The following TMTC1 variants were observed in gnomAD, a reference collection of about 807,000 sequenced individuals.
TMTC1 encodes the protein transmembrane O-mannosyltransferase targeting cadherins 1, also known as protein O-mannosyl-transferase TMTC1.
In TMTC1, 73 loss-of-function variants were observed where a neutral mutation model predicts 104.8. That is an observed-to-expected ratio of 0.70 (90% confidence interval 0.58 to 0.85). TMTC1 has a LOEUF of 0.85. Among genes scored for constraint, TMTC1 ranks in the 40% least tolerant of loss-of-function variants. The probability of loss-of-function intolerance (pLI) is 0.00; values close to 1 mark genes in which losing one functional copy is unlikely to be tolerated. For missense variants in TMTC1, 1,035 were observed against 1,096.1 expected, an observed-to-expected ratio of 0.94 and a Z score of 0.79; for synonymous variants, 434 against 428.7, an observed-to-expected ratio of 1.01 and a Z score of -0.15.
chr12:29,684,381 T>A (rs1273614175), intron 5 of TMTC1, among the ~76,000 whole-genome samples: 1 of 152,180 alleles, frequency 6.6e-6, no homozygotes, highest in Non-Finnish European at 1.5e-5. Flanking sequence ...AATTTTCTCA[T>A]AGAGGAAATA....
At chr12:29,666,391 TTTTG>T in intron 5 of TMTC1, 3 of 338,188 alleles carry the variant, frequency 8.9e-6, no homozygotes, top group South Asian at 2.3e-5. Context: ...CTAATTTTTT[TTTTG>T]TTGTTGTTGT....
At chr12:29,741,191 G>C (rs1942815354) in intron 5 of TMTC1, among the ~76,000 whole-genome samples, 1 of 152,112 alleles carries the variant, frequency 6.6e-6, no homozygotes, top group African/African-American at 2.4e-5. Context: ...TTTGAGCTAA[G>C]TTCCAAAGAC....
intron 9 of TMTC1, among the ~76,000 whole-genome samples, chr12:29,571,184 G>C (rs1246926159): frequency 6.6e-6 from 1 of 152,048 alleles, no homozygotes; most frequent in Non-Finnish European, 1.5e-5. Flanking sequence ...CTCTTCAAAG[G>C]CTTCTGTGAG....
rs555014352 is a variant in TMTC1 at position 29,668,549 on chromosome 12, C to T, written c.939-35213G>A. ...GATCTCAGCTCACTGCAACCTCCAA[C>T]TCCCAGGTTCAAGTGATCCTCCTGC... On this transcript the variant is annotated intron_variant, in intron 5 of 17. Coordinates refer to ENST00000539277, the MANE Select transcript of TMTC1 (RefSeq NM_001193451.2). Among the ~76,000 whole-genome samples the T allele has an allele frequency of 8.0e-5, 12 of 149,846 alleles. 1 individual carries two copies. In the South Asian group the frequency reaches 2.3e-3, roughly 29 times the overall value.
chr12:29,646,099 G>A (rs1939255170), intron 5 of TMTC1, among the ~76,000 whole-genome samples: 1 of 152,168 alleles, frequency 6.6e-6, no homozygotes, highest in South Asian at 2.1e-4. Flanking sequence ...AATGTGGAGA[G>A]GTGAAAGGAA....
At position 29,508,750 on chromosome 12, in the gene TMTC1, A is replaced by AT. The variant is rs200266430; in HGVS notation, c.2509-1765dup. Among the ~76,000 whole-genome samples, 66 of 152,072 alleles carry AT rather than the reference A, an allele frequency of 4.3e-4. 2 individuals are homozygous for AT. In the East Asian group the frequency reaches 0.013, roughly 29 times the overall value. On this transcript the variant is annotated intron_variant, in intron 17 of 17. Transcript: ENST00000539277. ...CACAACATGCCCGGCTAATTTTTGT[A>AT]TTTTTGTAGTAGACAAAGGGTTTCA... is the stretch of plus-strand genomic sequence containing the variant.
intron 9 of TMTC1, among the ~76,000 whole-genome samples, chr12:29,557,833 CTT>C (rs1246776490): frequency 1.3e-5 from 2 of 152,130 alleles, no homozygotes; most frequent in African/African-American, 4.8e-5. Flanking sequence ...TAAAAATAAA[CTT>C]AATCTGCAAA....
rs183609062 is a variant in TMTC1 at position 29,704,899 on chromosome 12, C to A, written c.938+46767G>T. 1.5e-3 allele frequency among the ~76,000 whole-genome samples: 231 copies of A among 152,260 alleles called. No homozygotes were observed. In the Middle Eastern group the frequency reaches 0.02, roughly 13 times the overall value. On this transcript the variant is annotated intron_variant, in intron 5 of 17. Coordinates refer to ENST00000539277, the MANE Select transcript of TMTC1 (RefSeq NM_001193451.2). ...TTTTAGAGACATCTTTTGATTGCAG[C>A]ATATCTAACGAAAAGAACCAGAATA... is the stretch of plus-strand genomic sequence containing the variant.
chr12:29,649,857 C>T (rs187288957), intron 5 of TMTC1, among the ~76,000 whole-genome samples: 2,286 of 152,210 alleles, frequency 0.015, 54 homozygotes, highest in African/African-American at 0.053. Context: ...CAAGGCTTAA[C>T]GTTTTCTAAG....
At chr12:29,642,596 A>T (rs1249695751) in intron 5 of TMTC1, among the ~76,000 whole-genome samples, 1 of 152,196 alleles carries the variant, frequency 6.6e-6, no homozygotes, top group Non-Finnish European at 1.5e-5. Context: ...AGCGGCTCTA[A>T]ATCTTGAAAC....
intron 5 of TMTC1, among the ~76,000 whole-genome samples, chr12:29,710,923 A>ATATATATG (rs1941902130): frequency 7.7e-5 from 1 of 13,048 alleles, no homozygotes; most frequent in African/African-American, 1.2e-4. Flanking sequence ...ATAAATATAT[A>ATATATATG]TAAATATATT....
At chr12:29,547,158 G>A (rs1270078032) in intron 10 of TMTC1, among the ~76,000 whole-genome samples, 2 of 152,146 alleles carry the variant, frequency 1.3e-5, no homozygotes, top group Non-Finnish European at 2.9e-5. Flanking sequence ...TTTATGCAAT[G>A]AAGGAAAATG....
intron 7 of TMTC1, among the ~76,000 whole-genome samples, chr12:29,594,206 C>A (rs1200959632): frequency 1.3e-5 from 2 of 152,174 alleles, no homozygotes; most frequent in African/African-American, 4.8e-5. Context: ...ATTAGGAAAA[C>A]CACCTTCTCT....
chr12:29,571,167 T>C (rs986746012), intron 9 of TMTC1, among the ~76,000 whole-genome samples: 3 of 152,130 alleles, frequency 2.0e-5, no homozygotes, highest in African/African-American at 7.2e-5. Flanking sequence ...TGTGGAGGCA[T>C]AAAAACCTCT....
Position 29,504,988 on chromosome 12 carries a change from C to T in TMTC1, c.*1858G>A, listed in dbSNP as rs1457244400. ...TAGTTCTTAATTAAGGTTGTGGATA[C>T]ATTTATGTTATATAACATGAAAAAA... On this transcript the variant is annotated 3_prime_UTR_variant, in exon 18 of 18. Transcript: ENST00000539277. 6.6e-6 allele frequency: 1 copy of T among 152,046 alleles called. No individual in the cohort carries two copies. Among genetic ancestry groups the T allele is most frequent in the Non-Finnish European group, 1.5e-5 (1 of 68,010 alleles). The allele number at this position is 152,046 out of a possible 1,614,324, so 9.4% of individuals were successfully genotyped here.
chr12:29,610,649 A>T (rs975169084), intron 6 of TMTC1, among the ~76,000 whole-genome samples: 4 of 152,190 alleles, frequency 2.6e-5, no homozygotes, highest in Admixed American at 6.5e-5. Flanking sequence ...CCTTGGTGAA[A>T]GGGACCCTGA....
chr12:29,632,750 C>CT (rs1332691227), intron 6 of TMTC1, among the ~76,000 whole-genome samples: 2 of 152,112 alleles, frequency 1.3e-5, no homozygotes, highest in African/African-American at 4.8e-5. Flanking sequence ...CAGTTTTATA[C>CT]TTTTTGGGGA....
intron 6 of TMTC1, among the ~76,000 whole-genome samples, chr12:29,626,565 G>A (rs745558638): frequency 1.3e-5 from 2 of 152,102 alleles, no homozygotes; most frequent in South Asian, 2.1e-4. Context: ...TTCAAAAAAC[G>A]ATGCAGAGAA....
chr12:29,502,338 G>GCTTT lies in TMTC1; in HGVS notation c.*4507_*4508insAAAG, dbSNP rs35696672. 6.9e-6 allele frequency: 1 copy of GCTTT among 145,834 alleles called. No individual in the cohort carries two copies. The allele number at this position is 145,834 out of a possible 1,614,324, so 9.0% of individuals were successfully genotyped here. On this transcript the variant is annotated 3_prime_UTR_variant, in exon 18 of 18. Coordinates refer to ENST00000539277, the MANE Select transcript of TMTC1 (RefSeq NM_001193451.2). ...GAATCCACCACAAATCAAAGCAAAA[G>GCTTT]TTTTTTTTTTTTTCAAAAACAGATT...
Sources: gnomAD v4.1 joint callset for allele counts (sites outside exome capture counted in the v4.1 genomes callset) on GRCh38, gnomAD v4.1.1 for gene constraint, MANE v1.5 for transcripts, NCBI Gene and HGNC (gene_info 2026-07-23, HGNC 2026-07-21) for gene names.